TENM2: variants seen among roughly 807,000 people sequenced by gnomAD.
TENM2 encodes teneurin transmembrane protein 2.
In TENM2, 52 loss-of-function variants were observed where a neutral mutation model predicts 245.2. The observed-to-expected ratio is 0.21, with a 90% CI of 0.17 to 0.27. TENM2 has a LOEUF of 0.27. Among genes scored for constraint, TENM2 ranks in the 10% least tolerant of loss-of-function variants. The pLI is 1.00. For synonymous variants in TENM2, 1,363 were observed against 1,438.9 expected (o/e 0.95, Z 1.19); for missense variants, 3,046 against 3,666.8 (o/e 0.83, Z 4.37).
At chr5:167,724,077 CAGTG>C (rs1412407549) in intron 2 of TENM2, among the ~76,000 whole-genome samples, 13 of 152,146 alleles carry the variant, frequency 8.5e-5, no homozygotes, top group Non-Finnish European at 1.9e-4. Flanking sequence ...ACAATTGTTG[CAGTG>C]AGACCAGAGA....
chr5:167,241,266 A>G, the TENM2 span, among the ~76,000 whole-genome samples: 22 of 152,204 alleles, frequency 1.4e-4, no homozygotes, highest in African/African-American at 5.3e-4. Context: ...GTTAGAAGTA[A>G]AACAATGGCA....
intron 2 of TENM2, among the ~76,000 whole-genome samples, chr5:167,815,784 G>GA (rs1026801691): frequency 6.6e-6 from 1 of 152,036 alleles, no homozygotes. Context: ...GAATGAGAGG[G>GA]AAAATAAAAT....
chr5:168,188,100 G>A (rs1255695127), intron 13 of TENM2, among the ~76,000 whole-genome samples: 2 of 152,154 alleles, frequency 1.3e-5, no homozygotes, highest in Non-Finnish European at 2.9e-5. Context: ...AGAAAGTAAT[G>A]CATTAAAATA....
At chr5:167,613,582 T>C (rs1332582456) in intron 2 of TENM2, among the ~76,000 whole-genome samples, 3 of 152,114 alleles carry the variant, frequency 2.0e-5, no homozygotes, top group African/African-American at 7.2e-5. Context: ...CATTACTAGA[T>C]GCAATGACAC....
intron 2 of TENM2, among the ~76,000 whole-genome samples, chr5:167,748,719 A>T (rs1761754956): frequency 6.6e-6 from 1 of 152,122 alleles, no homozygotes; most frequent in Admixed American, 6.6e-5. Context: ...CATGTCTTAT[A>T]TGGTGGCAGG....
chr5:167,819,206 C>T (rs1027584332), intron 2 of TENM2, among the ~76,000 whole-genome samples: 4 of 152,108 alleles, frequency 2.6e-5, no homozygotes, highest in Non-Finnish European at 5.9e-5. Flanking sequence ...TGGGACTTCC[C>T]CTGTCCGGGC....
chr5:167,815,559 T>C (rs576662295), intron 2 of TENM2, among the ~76,000 whole-genome samples: 1 of 152,294 alleles, frequency 6.6e-6, no homozygotes, highest in South Asian at 2.1e-4. Flanking sequence ...TAAGAGGCCA[T>C]GCTTTGGCTG....
At chr5:167,017,148 C>A in the TENM2 span, among the ~76,000 whole-genome samples, 2 of 152,148 alleles carry the variant, frequency 1.3e-5, no homozygotes, top group African/African-American at 2.4e-5. Context: ...TGAATGGACT[C>A]TGGGTAAAAA....
chr5:167,412,466 G>T (rs920460437), intron 2 of TENM2, among the ~76,000 whole-genome samples: 2 of 152,046 alleles, frequency 1.3e-5, no homozygotes, highest in Non-Finnish European at 2.9e-5. Context: ...TTTGAGACCA[G>T]CCATCTTTCA....
intron 1 of TENM2, among the ~76,000 whole-genome samples, chr5:167,285,754 G>C (rs17068248): frequency 0.021 from 3,147 of 152,294 alleles, 126 homozygotes; most frequent in African/African-American, 0.072. Context: ...TGTCTTACTA[G>C]TCCCAGCCTC....
chr5:167,201,615 G>C, the TENM2 span, among the ~76,000 whole-genome samples: 1 of 152,108 alleles, frequency 6.6e-6, no homozygotes, highest in East Asian at 1.9e-4. Flanking sequence ...ATTAACTCAG[G>C]ATTTTTTTCT....
At chr5:167,296,730 A>T (rs1371259075) in intron 1 of TENM2, among the ~76,000 whole-genome samples, 1 of 152,194 alleles carries the variant, frequency 6.6e-6, no homozygotes, top group African/African-American at 2.4e-5. Flanking sequence ...GTTTACAGTG[A>T]CATTTCATTT....
At chr5:167,427,293 TG>T (rs1433457213) in intron 2 of TENM2, among the ~76,000 whole-genome samples, 1 of 151,738 alleles carries the variant, frequency 6.6e-6, no homozygotes, top group Non-Finnish European at 1.5e-5. Context: ...TCTCTACTAA[TG>T]ATACAAAAAT....
the TENM2 span, among the ~76,000 whole-genome samples, chr5:167,207,097 CT>C: frequency 6.6e-6 from 1 of 152,048 alleles, no homozygotes; most frequent in South Asian, 2.1e-4. Context: ...CAGTAGCTGA[CT>C]GTGAACCGTG....
chr5:168,220,733 T>C (rs1039109749), intron 23 of TENM2, among the ~76,000 whole-genome samples: 2 of 152,070 alleles, frequency 1.3e-5, no homozygotes, highest in Admixed American at 6.5e-5. Context: ...GGCAGTGTGG[T>C]CAAGACCAAC....
chr5:168,138,527 CAT>C (rs1755261099), intron 12 of TENM2, among the ~76,000 whole-genome samples: 1 of 152,230 alleles, frequency 6.6e-6, no homozygotes, highest in South Asian at 2.1e-4. Context: ...TGCCACACCT[CAT>C]GTGTCCACAC....
At chr5:167,352,920 A>G (rs984557447) in intron 1 of TENM2, among the ~76,000 whole-genome samples, 1 of 152,160 alleles carries the variant, frequency 6.6e-6, no homozygotes, top group Non-Finnish European at 1.5e-5. Flanking sequence ...CCAGAGAAAA[A>G]GGGGAAAAGG....
At position 168,247,863 on chromosome 5, in the gene TENM2, G is replaced by A. The variant is rs1362837546; in HGVS notation, c.6924G>A (p.Arg2308=). ...ACCGCTATGATGGCGTAGGACGGCG[G>A]GCTTCCTACAAGACCAACCTGGGCC... The change falls in exon 27 of 29, where the codon CGG becomes CGA. Residue 2308 remains arginine (R), a synonymous_variant. Transcript: ENST00000518659. The surrounding 1 kb of genome is among the most constrained non-coding windows in gnomAD (Gnocchi z 7.8). 2 of 1,613,802 alleles carry A rather than the reference G, an allele frequency of 1.2e-6. No homozygotes were observed. Among genetic ancestry groups the A allele is most frequent in the Admixed American group, 1.7e-5 (1 of 59,968 alleles).
intron 2 of TENM2, among the ~76,000 whole-genome samples, chr5:167,746,231 G>A (rs1323589529): frequency 6.6e-6 from 1 of 152,040 alleles, no homozygotes; most frequent in African/African-American, 2.4e-5. Flanking sequence ...GCTTGCACAC[G>A]AAACCCAATG....
Sources: gnomAD v4.1 joint callset for allele counts (sites outside exome capture counted in the v4.1 genomes callset) on GRCh38, gnomAD v4.1.1 for gene constraint, Gnocchi (gnomAD v3.1) non-coding constraint, MANE v1.5 for transcripts, NCBI Gene and HGNC (gene_info 2026-07-23, HGNC 2026-07-21) for gene names.